The following ARMC9 variants were observed in gnomAD, a reference collection of about 807,000 sequenced individuals.
ARMC9 encodes armadillo repeat containing 9, also known as lisH domain-containing protein ARMC9.
ARMC9 carries 94 observed loss-of-function variants against 107.0 expected under a neutral mutation model. That is an observed-to-expected ratio of 0.88 (90% CI 0.74 to 1.04). The LOEUF (loss-of-function observed/expected upper bound fraction) is 1.04. Ranked by LOEUF, ARMC9 falls within the 50% of genes least tolerant of loss-of-function variation. The pLI, the probability that ARMC9 is intolerant of heterozygous loss-of-function variation, is 0.00. For missense variants in ARMC9, 942 were observed against 1,030.1 expected, an observed-to-expected ratio of 0.91 and a Z score of 1.17; for synonymous variants, 380 against 396.9, an observed-to-expected ratio of 0.96 and a Z score of 0.51.
intron 19 of ARMC9, among the ~76,000 whole-genome samples, chr2:231,324,297 T>C (rs1332156401): frequency 1.3e-5 from 2 of 151,504 alleles, no homozygotes; most frequent in African/African-American, 4.8e-5. Context: ...CCAGCTAATT[T>C]TTGTATTTTT....
chr2:231,241,812 T>C (rs901977288), intron 9 of ARMC9, among the ~76,000 whole-genome samples: 2 of 151,958 alleles, frequency 1.3e-5, no homozygotes, highest in African/African-American at 4.8e-5. Flanking sequence ...AAAAAATGCA[T>C]ATGCTGTGAG....
chr2:231,315,238 C>CAA (rs561488611), intron 19 of ARMC9, among the ~76,000 whole-genome samples: 3,334 of 94,268 alleles, frequency 0.035, 174 homozygotes, highest in African/African-American at 0.11. Context: ...GACTCTATCT[C>CAA]AAAAAAAAAA....
chr2:231,320,798 T>C (rs1375728059), intron 19 of ARMC9, among the ~76,000 whole-genome samples: 2 of 152,202 alleles, frequency 1.3e-5, no homozygotes, highest in African/African-American at 2.4e-5. Flanking sequence ...GTATCATGTG[T>C]GCATTTGATC....
intron 19 of ARMC9, among the ~76,000 whole-genome samples, chr2:231,327,286 T>C (rs1243635613): frequency 1.3e-5 from 2 of 152,180 alleles, no homozygotes; most frequent in Admixed American, 1.3e-4. Flanking sequence ...TAATTCAAGA[T>C]CAGAACGTTT....
At chr2:231,319,157 T>C (rs1035416119) in intron 19 of ARMC9, among the ~76,000 whole-genome samples, 10 of 152,202 alleles carry the variant, frequency 6.6e-5, no homozygotes, top group Non-Finnish European at 1.5e-4. Context: ...ATCAAAGTGC[T>C]AGTTTACTAA....
Position 231,255,220 on chromosome 2 carries a change from C to A in ARMC9, c.880-1366C>A, listed in dbSNP as rs1236365638. Among the ~76,000 whole-genome samples, 2 of 133,588 alleles carry A rather than the reference C, an allele frequency of 1.5e-5. No individual in the cohort carries two copies. Among genetic ancestry groups the A allele is most frequent in the South Asian group, 4.8e-4 (2 of 4,200 alleles). 87.6% of individuals were successfully genotyped at this position (133,588 alleles called of 152,430 possible). A position where few individuals can be genotyped will look rare whatever the true frequency, so the allele number is the denominator to read the frequency against. ...ACACACACACACACACACACACACA[C>A]AAAATAAATGGGACAAGAATCTCCG... On this transcript the variant is annotated intron_variant, in intron 9 of 24. Transcript: ENST00000611582. The surrounding 1 kb of genome is among the most constrained non-coding windows in gnomAD (Gnocchi z 4.7).
At chr2:231,236,449 G>T (rs183138014) in intron 8 of ARMC9, among the ~76,000 whole-genome samples, 9 of 152,144 alleles carry the variant, frequency 5.9e-5, no homozygotes, top group African/African-American at 1.9e-4. Flanking sequence ...TCTATTTGTG[G>T]ACATACAGAT....
chr2:231,225,082 C>T (rs1284776835), intron 6 of ARMC9, among the ~76,000 whole-genome samples: 1 of 152,206 alleles, frequency 6.6e-6, no homozygotes, highest in East Asian at 1.9e-4. Context: ...TAACTTTTTA[C>T]TTCCTGATTA....
Position 231,290,875 on chromosome 2 carries a change from G to GA in ARMC9, c.1627-468dup, listed in dbSNP as rs1208304796. Among the ~76,000 whole-genome samples the GA allele has an allele frequency of 2.0e-3, 271 of 134,570 alleles. 1 individual carries two copies. The highest frequency in any genetic ancestry group is 0.011 in the East Asian group (49 of 4,654). 88.3% of individuals were successfully genotyped at this position (134,570 alleles called of 152,430 possible). ...GTTTATAAATTTAGGGAAAACACAG[G>GA]AAAAAAAAAACTAGCTCCCAGACCA... On this transcript the variant is annotated intron_variant, in intron 17 of 24. Transcript: ENST00000611582.
chr2:231,220,529 G>A (rs559710886), intron 5 of ARMC9, among the ~76,000 whole-genome samples: 3 of 150,754 alleles, frequency 2.0e-5, no homozygotes, highest in South Asian at 2.1e-4. Flanking sequence ...CCCGGGAGGC[G>A]GAGGTTGGAG....
intron 19 of ARMC9, among the ~76,000 whole-genome samples, chr2:231,328,993 T>A (rs1338871066): frequency 1.3e-5 from 2 of 151,414 alleles, no homozygotes; most frequent in Non-Finnish European, 2.9e-5. Flanking sequence ...TTTTTTTGTA[T>A]TTTTTAGTAG....
chr2:231,370,146 C>T (rs2045962033), intron 24 of ARMC9, 21 bp downstream of exon 24: 1 of 1,497,124 alleles, frequency 6.7e-7, no homozygotes, highest in Admixed American at 2.2e-5. Context: ...CTGGGCCCCA[C>T]TGGCGTGGGA....
chr2:231,253,944 A>G (rs2037522643), intron 9 of ARMC9, among the ~76,000 whole-genome samples: 1 of 152,216 alleles, frequency 6.6e-6, no homozygotes, highest in African/African-American at 2.4e-5. Flanking sequence ...TCTAATTTAA[A>G]AAGGAAGAAC....
intron 6 of ARMC9, among the ~76,000 whole-genome samples, chr2:231,226,015 C>T (rs980044649): frequency 2.0e-5 from 3 of 152,190 alleles, no homozygotes; most frequent in Non-Finnish European, 4.4e-5. Context: ...CACTACCAAA[C>T]CTGGCTGATT....
At chr2:231,324,175 T>G (rs1287474905) in intron 19 of ARMC9, among the ~76,000 whole-genome samples, 5 of 132,394 alleles carry the variant, frequency 3.8e-5, no homozygotes, top group African/African-American at 1.5e-4. Flanking sequence ...TTGCCCAGGC[T>G]GGAGTGCAGT....
intron 23 of ARMC9, among the ~76,000 whole-genome samples, chr2:231,368,948 T>C (rs1307278380): frequency 1.3e-5 from 2 of 152,258 alleles, no homozygotes; most frequent in Non-Finnish European, 2.9e-5. Flanking sequence ...TAAAGTGATA[T>C]GTTATCAATG....
chr2:231,341,144 A>G (rs2044476765), intron 20 of ARMC9, among the ~76,000 whole-genome samples: 1 of 152,156 alleles, frequency 6.6e-6, no homozygotes, highest in African/African-American at 2.4e-5. Flanking sequence ...GTGAGCTATG[A>G]TTGCACCACT....
At chr2:231,200,656 A>G (rs1296714233) in intron 1 of ARMC9, among the ~76,000 whole-genome samples, 1 of 149,946 alleles carries the variant, frequency 6.7e-6, no homozygotes, top group Middle Eastern at 3.2e-3. Context: ...CTGGGCGGCA[A>G]AAGTGAAACT....
intron 12 of ARMC9, among the ~76,000 whole-genome samples, chr2:231,267,522 C>T (rs1360287939): frequency 6.6e-6 from 1 of 152,354 alleles, no homozygotes; most frequent in South Asian, 2.1e-4. Flanking sequence ...TGAACCACTG[C>T]ACCCGGCCCG....
Sources: gnomAD v4.1 joint callset for allele counts (sites outside exome capture counted in the v4.1 genomes callset) on GRCh38, gnomAD v4.1.1 for gene constraint, Gnocchi (gnomAD v3.1) non-coding constraint, MANE v1.5 for transcripts, NCBI Gene and HGNC (gene_info 2026-07-23, HGNC 2026-07-21) for gene names.